CCDC112: variants seen among roughly 807,000 people sequenced by gnomAD.
The protein encoded by CCDC112 is coiled-coil domain containing 112.
In CCDC112, 40 loss-of-function variants were observed where a neutral mutation model predicts 66.3. That is an observed-to-expected ratio of 0.60 (90% CI 0.47 to 0.79). The LOEUF is 0.79. CCDC112 is among the 30% of genes least tolerant of loss of function. CCDC112 has a pLI of 0.00. For synonymous variants in CCDC112, 214 were observed against 197.2 expected, an observed-to-expected ratio of 1.09 and a Z score of -0.71; for missense variants, 659 against 603.8, an observed-to-expected ratio of 1.09 and a Z score of -0.96.
chr5:115,280,282 C>T (rs1749396081), intron 2 of CCDC112: 1 of 153,586 alleles, frequency 6.5e-6, no homozygotes, highest in African/African-American at 2.4e-5. Context: ...GATCTCTGTA[C>T]AGTACAAGTA....
chr5:115,279,145 T>C (rs1377966591), intron 3 of CCDC112, among the ~76,000 whole-genome samples: 1 of 152,188 alleles, frequency 6.6e-6, no homozygotes, highest in Non-Finnish European at 1.5e-5. Flanking sequence ...ACGGCTCTCC[T>C]GAGGTAGAAA....
At chr5:115,284,685 T>A (rs1749601094) in intron 2 of CCDC112, 102 bp downstream of exon 2, 1 of 858,062 alleles carries the variant, frequency 1.2e-6, no homozygotes, top group African/African-American at 1.7e-5. Context: ...TACAATTTTA[T>A]AACTTAATGT....
intron 1 of CCDC112, 32 bp downstream of exon 1, chr5:115,296,395 G>T: frequency 1.3e-6 from 2 of 1,557,758 alleles, no homozygotes; most frequent in Non-Finnish European, 1.7e-6. Context: ...CTCGCCTGCC[G>T]CCAGAGCAGC....
rs776121606 is a variant in CCDC112 at position 115,275,597 on chromosome 5, C to T, written c.537G>A (p.Glu179=). 23 of 1,552,072 alleles carry T rather than the reference C, an allele frequency of 1.5e-5. No homozygotes were observed. In the African/African-American group the frequency reaches 2.6e-4, roughly 18 times the overall value. The change falls in exon 6 of 10, where the codon GAG becomes GAA. Residue 179 remains glutamate (E), a synonymous_variant. Transcript: ENST00000379611. ...FKEEQRLIYE[E]LIKEEKTTNN... ...TAGTTGTCTTCTCTTCTTTAATTAG[C>T]TCTTCATATCTAAAATTTTAAAAAT...
At chr5:115,288,401 A>G (rs1374600888) in intron 1 of CCDC112, among the ~76,000 whole-genome samples, 1 of 152,240 alleles carries the variant, frequency 6.6e-6, no homozygotes, top group Non-Finnish European at 1.5e-5. Flanking sequence ...AATACATCCC[A>G]GCAACTCACA....
At chr5:115,269,246 A>G (rs1748900791) in intron 8 of CCDC112, among the ~76,000 whole-genome samples, 1 of 152,052 alleles carries the variant, frequency 6.6e-6, no homozygotes, top group African/African-American at 2.4e-5. Flanking sequence ...CTATTTTTCT[A>G]TTTCTATTAT....
chr5:115,284,723 AT>A, intron 2 of CCDC112, 63 bp downstream of exon 2: 1 of 1,353,540 alleles, frequency 7.4e-7, no homozygotes, highest in African/African-American at 1.5e-5. Flanking sequence ...AGTAGAATTA[AT>A]TTTTTATTGT....
chr5:115,275,943 A>T (rs879209041), intron 5 of CCDC112, 51 bp downstream of exon 5: 1 of 1,224,794 alleles, frequency 8.2e-7, no homozygotes, highest in Non-Finnish European at 1.2e-6. Context: ...GGGGCCAGTT[A>T]TTAAAAAATA....
chr5:115,282,623 T>C (rs1413565193), intron 2 of CCDC112, among the ~76,000 whole-genome samples: 1 of 152,132 alleles, frequency 6.6e-6, no homozygotes, highest in Non-Finnish European at 1.5e-5. Flanking sequence ...TGCTACCATT[T>C]ATACAAAAAA....
At chr5:115,281,023 GA>G (rs1749432137) in intron 2 of CCDC112, among the ~76,000 whole-genome samples, 1 of 146,920 alleles carries the variant, frequency 6.8e-6, no homozygotes, top group South Asian at 2.2e-4. Flanking sequence ...CATACATAGA[GA>G]ATTTTTTTTT....
At position 115,268,876 on chromosome 5, in the gene CCDC112, T is replaced by C; in HGVS notation, c.1547+6A>G. The C allele has an allele frequency of 6.5e-7, 1 of 1,528,174 alleles. No homozygotes were observed. The highest frequency in any genetic ancestry group is 1.2e-5 in the South Asian group (1 of 82,018). The allele number at this position is 1,528,174 out of a possible 1,614,324, so 94.7% of individuals were successfully genotyped here. A position where few individuals can be genotyped will look rare whatever the true frequency, so the allele number is the denominator to read the frequency against. On this transcript the variant is annotated splice_donor_region_variant and intron_variant, in intron 9 of 9. Coordinates refer to ENST00000379611, the MANE Select transcript of CCDC112 (RefSeq NM_001040440.3). ...TAAATGAACACCAATTCTAACTCTT[T>C]CTTACCTATGTGGGATATGTAGAAG...
chr5:115,293,754 C>T (rs1368755980), intron 1 of CCDC112, among the ~76,000 whole-genome samples: 1 of 152,138 alleles, frequency 6.6e-6, no homozygotes, highest in Non-Finnish European at 1.5e-5. Context: ...TTTTACGATG[C>T]AAGATTACAC....
chr5:115,291,323 G>C (rs986950527), intron 1 of CCDC112, among the ~76,000 whole-genome samples: 7 of 151,994 alleles, frequency 4.6e-5, no homozygotes, highest in Admixed American at 3.3e-4. Context: ...TGCATGTCTG[G>C]AATAAACTGC....
chr5:115,291,660 C>G (rs908671674), intron 1 of CCDC112, among the ~76,000 whole-genome samples: 2 of 152,174 alleles, frequency 1.3e-5, no homozygotes, highest in Admixed American at 6.5e-5. Context: ...TAGTGTCCTT[C>G]TATTTTAGCT....
chr5:115,276,830 G>A (rs1424630809), intron 4 of CCDC112, 135 bp downstream of exon 4: 1 of 558,318 alleles, frequency 1.8e-6, no homozygotes, highest in African/African-American at 1.9e-5. Context: ...AACTTATTAA[G>A]TCCTAACCAA....
intron 3 of CCDC112, among the ~76,000 whole-genome samples, chr5:115,278,635 G>T (rs1177985677): frequency 6.6e-6 from 1 of 152,016 alleles, no homozygotes; most frequent in Non-Finnish European, 1.5e-5. Flanking sequence ...CCTCCCAGTT[G>T]TCTACAAAAG....
intron 1 of CCDC112, among the ~76,000 whole-genome samples, chr5:115,289,992 A>G (rs185359517): frequency 1.5e-4 from 23 of 152,340 alleles, no homozygotes; most frequent in Admixed American, 1.2e-3. Flanking sequence ...CTAAAGCACA[A>G]AAGTTTTTTA....
chr5:115,279,765 T>G lies in CCDC112; in HGVS notation c.243A>C (p.Val81=). The change falls in exon 3 of 10, where the codon GTA becomes GTC. Residue 81 remains valine, a synonymous_variant. Coordinates refer to ENST00000379611, the MANE Select transcript of CCDC112 (RefSeq NM_001040440.3). Reference sequence around the variant, plus strand: ...TGTGTTTATCTTTTTCCATGTTAATTACTCTTTAGGAAAAGAAACAAATAG... The same window carrying G: ...TGTGTTTATCTTTTTCCATGTTAATGACTCTTTAGGAAAAGAAACAAATAG... ...VRTAEKFKNQ[V]INMEKDKHSH... is the part of the protein sequence containing the mutation. 6.8e-7 allele frequency: 1 copy of G among 1,472,578 alleles called. No individual in the cohort carries two copies. Among genetic ancestry groups the G allele is most frequent in the Non-Finnish European group, 9.5e-7 (1 of 1,056,416 alleles). 91.2% of individuals were successfully genotyped at this position (1,472,578 alleles called of 1,614,324 possible). A position where few individuals can be genotyped will look rare whatever the true frequency, so the allele number is the denominator to read the frequency against.
chr5:115,287,696 CTTTTTTTTTTT>C (rs778702533), intron 1 of CCDC112, among the ~76,000 whole-genome samples: 3 of 84,718 alleles, frequency 3.5e-5, no homozygotes, highest in African/African-American at 9.9e-5. Context: ...ATCCCCTTTC[CTTTTTTTTTTT>C]TTTTTTTTTT....
Sources: allele counts gnomAD v4.1 joint callset (sites outside exome capture counted in the v4.1 genomes callset), GRCh38; gene constraint gnomAD v4.1.1; transcripts MANE v1.5; gene names NCBI Gene and HGNC (gene_info 2026-07-23, HGNC 2026-07-21).